Variants in DPH6 observed in about 807,000 individuals in gnomAD.
The protein encoded by DPH6 is diphthamine biosynthesis 6.
A neutral mutation model predicts 38.2 loss-of-function variants in DPH6; 33 were observed. The ratio of observed to expected loss-of-function variants is 0.86; its 90% CI spans 0.65 to 1.15. The LOEUF (loss-of-function observed/expected upper bound fraction) is 1.15, where lower values mean the gene tolerates loss of function less well. DPH6 is among the 50% of genes most tolerant of loss of function. The probability of loss-of-function intolerance (pLI) is 0.00; values close to 1 mark genes in which losing one functional copy is unlikely to be tolerated. For missense variants in DPH6, 325 were observed against 320.0 expected, an observed-to-expected ratio of 1.02 and a Z score of -0.12; for synonymous variants, 108 against 103.0, an observed-to-expected ratio of 1.05 and a Z score of -0.30.
chr15:35,269,352 A>C (rs534011981), intron 3 of DPH6, among the ~76,000 whole-genome samples: 4 of 152,366 alleles, frequency 2.6e-5, no homozygotes, highest in African/African-American at 9.6e-5. Context: ...AAGAGTAAGG[A>C]GAACTCAATG....
rs1164885654 is a variant in DPH6 at position 35,311,080 on chromosome 15, C to CA, written n.200+62440dup. Among the ~76,000 whole-genome samples the CA allele has an allele frequency of 7.3e-3, 980 of 134,186 alleles. 7 individuals carry two copies. The highest frequency in any genetic ancestry group is 0.015 in the Middle Eastern group (4 of 262). The allele number at this position is 134,186 out of a possible 152,430, so 88.0% of individuals were successfully genotyped here. On this transcript the variant is annotated intron_variant and non_coding_transcript_variant, in intron 3 of 3. Transcript: ENST00000560386. Reference sequence around the variant, plus strand: ...ACCTCAAAAACAACAACAACAACAACAAAAAAAAAAACCCAAAAAAACCAG... The same window carrying CA: ...ACCTCAAAAACAACAACAACAACAACAAAAAAAAAAAACCCAAAAAAACCAG...
At chr15:35,170,595 C>T in the DPH6 span, among the ~76,000 whole-genome samples, 1 of 152,090 alleles carries the variant, frequency 6.6e-6, no homozygotes. Flanking sequence ...CAAACCTATT[C>T]ACTAATATGC....
intron 6 of DPH6, among the ~76,000 whole-genome samples, chr15:35,399,403 AT>A (rs1265611122): frequency 6.6e-6 from 1 of 152,194 alleles, no homozygotes; most frequent in East Asian, 1.9e-4. Flanking sequence ...GTTAAGGAAC[AT>A]TTAAATAACA....
At chr15:35,307,532 T>C (rs1276856790) in intron 3 of DPH6, among the ~76,000 whole-genome samples, 1 of 152,106 alleles carries the variant, frequency 6.6e-6, no homozygotes, top group Admixed American at 6.5e-5. Context: ...GTATAAAGGA[T>C]ATCGTTGGGT....
chr15:35,206,416 C>A, the DPH6 span, among the ~76,000 whole-genome samples: 1 of 152,124 alleles, frequency 6.6e-6, no homozygotes, highest in Non-Finnish European at 1.5e-5. Flanking sequence ...GAAATTTATG[C>A]AAGAGGCAAA....
At chr15:35,155,438 G>A in the DPH6 span, among the ~76,000 whole-genome samples, 4 of 152,152 alleles carry the variant, frequency 2.6e-5, no homozygotes, top group Non-Finnish European at 5.9e-5. Flanking sequence ...TAGAGATTAA[G>A]GGTTTCATCC....
chr15:35,438,705 A>C (rs2053748080), intron 5 of DPH6, among the ~76,000 whole-genome samples: 1 of 152,210 alleles, frequency 6.6e-6, no homozygotes, highest in Non-Finnish European at 1.5e-5. Flanking sequence ...CTAAAGGAAA[A>C]TAAGCACCTA....
chr15:35,244,976 A>G (rs2051625903), intron 3 of DPH6, among the ~76,000 whole-genome samples: 1 of 152,212 alleles, frequency 6.6e-6, no homozygotes, highest in Non-Finnish European at 1.5e-5. Context: ...ACTGATAGGT[A>G]GAAACATCAC....
chr15:35,151,875 G>A, the DPH6 span, among the ~76,000 whole-genome samples: 1 of 152,210 alleles, frequency 6.6e-6, no homozygotes, highest in African/African-American at 2.4e-5. Flanking sequence ...CACTACGTTT[G>A]TTATTGTTTG....
At chr15:35,403,916 T>C (rs899024172) in intron 6 of DPH6, among the ~76,000 whole-genome samples, 3 of 152,018 alleles carry the variant, frequency 2.0e-5, no homozygotes, top group African/African-American at 7.2e-5. Flanking sequence ...TTTTAGTTTC[T>C]ATTTCCATGA....
intron 3 of DPH6, among the ~76,000 whole-genome samples, chr15:35,523,089 G>C (rs1354705293): frequency 1.3e-5 from 2 of 151,916 alleles, no homozygotes; most frequent in African/African-American, 4.8e-5. Context: ...TTTTGTGTTT[G>C]ATGAGTTTTG....
intron 3 of DPH6, among the ~76,000 whole-genome samples, chr15:35,529,679 A>C (rs1249873060): frequency 6.6e-6 from 1 of 152,210 alleles, no homozygotes; most frequent in Non-Finnish European, 1.5e-5. Flanking sequence ...TATGCCTCAT[A>C]CATGTTTTTA....
At chr15:35,295,505 T>C (rs571509515) in intron 3 of DPH6, among the ~76,000 whole-genome samples, 3 of 152,212 alleles carry the variant, frequency 2.0e-5, no homozygotes, top group East Asian at 1.9e-4. Flanking sequence ...TACAAACCAC[T>C]ACCAGACTAC....
At chr15:35,297,911 T>C (rs1279405127) in intron 3 of DPH6, among the ~76,000 whole-genome samples, 2 of 152,182 alleles carry the variant, frequency 1.3e-5, no homozygotes, top group Non-Finnish European at 2.9e-5. Context: ...CTAGGTTTCA[T>C]CCTTAATTTC....
chr15:35,518,907 T>C (rs1427088676), intron 3 of DPH6: 1 of 151,974 alleles, frequency 6.6e-6, no homozygotes, highest in African/African-American at 2.4e-5. Context: ...AAGGTGTTTT[T>C]ACTCCCATTT....
chr15:35,298,345 T>C (rs1271841880), intron 3 of DPH6: 16 of 644,538 alleles, frequency 2.5e-5, no homozygotes, highest in Middle Eastern at 4.4e-4. Context: ...TTCGAGTCAA[T>C]AACCGCTTGA....
chr15:35,421,286 C>A (rs2053501749), intron 5 of DPH6, among the ~76,000 whole-genome samples: 1 of 152,146 alleles, frequency 6.6e-6, no homozygotes, highest in African/African-American at 2.4e-5. Flanking sequence ...TACTTCTAAA[C>A]TAATTTTACA....
At chr15:35,189,223 G>C in the DPH6 span, among the ~76,000 whole-genome samples, 4 of 152,120 alleles carry the variant, frequency 2.6e-5, no homozygotes, top group Non-Finnish European at 5.9e-5. Flanking sequence ...TACCACAAAG[G>C]TATGTCTCTT....
At chr15:35,467,492 G>A (rs1040207899) in intron 3 of DPH6, among the ~76,000 whole-genome samples, 1 of 152,178 alleles carries the variant, frequency 6.6e-6, no homozygotes, top group African/African-American at 2.4e-5. Flanking sequence ...CCTGAACCTG[G>A]GAGGCGGAGG....
Sources: gnomAD v4.1 joint callset for allele counts (sites outside exome capture counted in the v4.1 genomes callset) on GRCh38, gnomAD v4.1.1 for gene constraint, MANE v1.5 for transcripts, NCBI Gene and HGNC (gene_info 2026-07-23, HGNC 2026-07-21) for gene names.